Variants in SLC8A1 observed in about 807,000 individuals in gnomAD.
SLC8A1 encodes sodium/calcium exchanger 1.
In SLC8A1, 18 loss-of-function variants were observed where a neutral mutation model predicts 68.3. That is an observed-to-expected ratio of 0.26 (90% confidence interval 0.18 to 0.39). The LOEUF (loss-of-function observed/expected upper bound fraction) is 0.39. Among genes scored for constraint, SLC8A1 ranks in the 10% least tolerant of loss-of-function variants. SLC8A1 has a pLI of 1.00. For missense variants in SLC8A1, 985 were observed against 1,156.7 expected, an observed-to-expected ratio of 0.85 and a Z score of 2.15; for synonymous variants, 475 against 415.5, an observed-to-expected ratio of 1.14 and a Z score of -1.74.
chr2:40,414,869 A>G (rs1048381374), intron 2 of SLC8A1, among the ~76,000 whole-genome samples: 33 of 152,306 alleles, frequency 2.2e-4, no homozygotes, highest in African/African-American at 7.0e-4. Flanking sequence ...TTGGTTAAAT[A>G]AAGAAGACAA....
At chr2:40,261,990 ATCTCACTC>A (rs892092816) in intron 2 of SLC8A1, among the ~76,000 whole-genome samples, 1 of 149,958 alleles carries the variant, frequency 6.7e-6, no homozygotes, top group African/African-American at 2.5e-5. Context: ...TTGAGACAGA[ATCTCACTC>A]TGTGGCCAGG....
At chr2:40,389,806 A>AATATATATATGATATATGATATATATG (rs1559491677) in intron 2 of SLC8A1, among the ~76,000 whole-genome samples, 2 of 150,342 alleles carry the variant, frequency 1.3e-5, no homozygotes, top group East Asian at 3.9e-4. Context: ...AATTTGGGGA[A>AATATATATATGATATATGATATATATG]ATATATATAT....
At chr2:40,128,056 G>C (rs1413492032) in intron 7 of SLC8A1, among the ~76,000 whole-genome samples, 1 of 152,242 alleles carries the variant, frequency 6.6e-6, no homozygotes, top group Non-Finnish European at 1.5e-5. Flanking sequence ...AGAAAAGGCA[G>C]GATGTGAGGT....
intron 2 of SLC8A1, among the ~76,000 whole-genome samples, chr2:40,225,766 C>T (rs114608237): frequency 0.018 from 2,669 of 152,214 alleles, 84 homozygotes; most frequent in African/African-American, 0.061. Flanking sequence ...CCCAAAGTTG[C>T]CTTTTGGTGA....
At chr2:40,200,229 T>A (rs1394443820) in intron 2 of SLC8A1, among the ~76,000 whole-genome samples, 1,392 of 40,082 alleles carry the variant, frequency 0.035, 284 homozygotes, top group Admixed American at 0.2. Flanking sequence ...TTTTTTTATA[T>A]ATATATATAA....
chr2:40,362,892 G>T (rs1170477930), intron 2 of SLC8A1, among the ~76,000 whole-genome samples: 1 of 152,004 alleles, frequency 6.6e-6, no homozygotes, highest in Non-Finnish European at 1.5e-5. Flanking sequence ...GAGTGACCTA[G>T]AACTCAAAGA....
At chr2:40,105,411 C>A (rs2034133955) in exon 8 of SLC8A1, 1 of 152,172 alleles carries the variant, frequency 6.6e-6, no homozygotes, top group African/African-American at 2.4e-5. Flanking sequence ...TAATACTATC[C>A]ATGGATCTGA....
intron 2 of SLC8A1, among the ~76,000 whole-genome samples, chr2:40,426,355 C>T (rs1696853708): frequency 6.6e-6 from 1 of 151,942 alleles, no homozygotes; most frequent in Non-Finnish European, 1.5e-5. Context: ...ACCAACTCCA[C>T]CAATGTTTAC....
chr2:40,351,224 G>A (rs1042005208), intron 2 of SLC8A1, among the ~76,000 whole-genome samples: 1 of 152,060 alleles, frequency 6.6e-6, no homozygotes, highest in Non-Finnish European at 1.5e-5. Context: ...TTTTATTTCT[G>A]TGCAGAGTAG....
intron 1 of SLC8A1, among the ~76,000 whole-genome samples, chr2:40,488,730 T>C (rs963769733): frequency 6.6e-6 from 1 of 152,150 alleles, no homozygotes; most frequent in African/African-American, 2.4e-5. Flanking sequence ...GAGTTCTTTC[T>C]TTGTGCCGTG....
At chr2:40,243,421 T>A (rs1441826702) in intron 2 of SLC8A1, among the ~76,000 whole-genome samples, 2 of 152,118 alleles carry the variant, frequency 1.3e-5, no homozygotes, top group East Asian at 3.8e-4. Context: ...GAGGTAGATG[T>A]TATAGTGACC....
At chr2:40,363,037 C>T (rs1675058086) in intron 2 of SLC8A1, among the ~76,000 whole-genome samples, 1 of 152,014 alleles carries the variant, frequency 6.6e-6, no homozygotes, top group African/African-American at 2.4e-5. Flanking sequence ...ATAATCATTT[C>T]CCCACCACCC....
At chr2:40,110,547 A>G (rs1418362725) in exon 8 of SLC8A1, 1 of 152,200 alleles carries the variant, frequency 6.6e-6, no homozygotes, top group Non-Finnish European at 1.5e-5. Flanking sequence ...TGGAATTTAT[A>G]TTTAACTTTG....
chr2:40,162,838 C>T (rs942159658), intron 5 of SLC8A1, among the ~76,000 whole-genome samples: 2 of 152,140 alleles, frequency 1.3e-5, no homozygotes, highest in Non-Finnish European at 1.5e-5. Flanking sequence ...TCCTCAGTCA[C>T]ACCATAGTAA....
chr2:40,356,916 G>A (rs1012720570), intron 2 of SLC8A1, among the ~76,000 whole-genome samples: 4 of 152,102 alleles, frequency 2.6e-5, no homozygotes, highest in African/African-American at 9.7e-5. Context: ...AAAATGACAA[G>A]GCACATGCCA....
chr2:40,392,628 T>G lies in SLC8A1; in HGVS notation c.1808+35845A>C, dbSNP rs75969207. ...CTGTGTGCTTTTACTAAAAATATCT[T>G]TGAAAGTTCCACAGCCTTCCAAGAT... On this transcript the variant is annotated intron_variant, in intron 2 of 7. Transcript: ENST00000406785. Among the ~76,000 whole-genome samples, 468 of 152,238 alleles carry G rather than the reference T, an allele frequency of 3.1e-3. 3 individuals are homozygous for G. The highest frequency in any genetic ancestry group is 0.012 in the South Asian group (59 of 4,820).
At chr2:40,333,813 C>G (rs914616596) in intron 2 of SLC8A1, among the ~76,000 whole-genome samples, 10 of 152,116 alleles carry the variant, frequency 6.6e-5, no homozygotes, top group African/African-American at 2.4e-4. Context: ...ACTTTGGGAG[C>G]TAAGGCGGGT....
At chr2:40,169,227 T>A (rs1429826519) in intron 4 of SLC8A1, among the ~76,000 whole-genome samples, 1 of 152,172 alleles carries the variant, frequency 6.6e-6, no homozygotes, top group Non-Finnish European at 1.5e-5. Flanking sequence ...GGGACACTGT[T>A]GAGAGTCTTC....
At chr2:40,115,550 C>A (rs184171310) in exon 8 of SLC8A1, 1 of 1,614,058 alleles carries the variant, frequency 6.2e-7, no homozygotes, top group South Asian at 1.1e-5. Context: ...AGACATTCAC[C>A]GCGTTGCTGC....
Sources: gnomAD v4.1 joint callset for allele counts (sites outside exome capture counted in the v4.1 genomes callset) on GRCh38, gnomAD v4.1.1 for gene constraint, MANE v1.5 for transcripts, NCBI Gene and HGNC (gene_info 2026-07-23, HGNC 2026-07-21) for gene names.